The following DAB1 variants were observed in gnomAD, a reference collection of about 807,000 sequenced individuals.
DAB1 encodes the protein DAB adaptor protein 1, also known as disabled homolog 1.
DAB1 carries 15 observed loss-of-function variants against 64.6 expected under a neutral mutation model. That is an observed-to-expected ratio of 0.23 (90% CI 0.16 to 0.36). The LOEUF (loss-of-function observed/expected upper bound fraction) is 0.36, where lower values mean the gene tolerates loss of function less well. Ranked by LOEUF, DAB1 falls within the 10% of genes least tolerant of loss-of-function variation. The pLI, the probability that DAB1 is intolerant of heterozygous loss-of-function variation, is 1.00. For missense variants in DAB1, 596 were observed against 706.7 expected (o/e 0.84, Z 1.78); for synonymous variants, 235 against 251.9 (o/e 0.93, Z 0.64).
chr1:57,936,623 G>A (rs111271219), intron 5 of DAB1, among the ~76,000 whole-genome samples: 2,761 of 151,916 alleles, frequency 0.018, 88 homozygotes, highest in African/African-American at 0.063. Flanking sequence ...GGCTGGTCTC[G>A]AACTCTTGAT....
intron 4 of DAB1, among the ~76,000 whole-genome samples, chr1:58,273,885 A>T (rs1569590886): frequency 9.3e-6 from 1 of 107,410 alleles, no homozygotes; most frequent in East Asian, 3.7e-4. Context: ...ACTTCTCTGT[A>T]TTGGTTATTC....
chr1:57,738,294 T>C (rs572381853), intron 6 of DAB1, among the ~76,000 whole-genome samples: 1 of 152,328 alleles, frequency 6.6e-6, no homozygotes, highest in South Asian at 2.1e-4. Flanking sequence ...TGCAAACCTA[T>C]GCTATAGTTT....
At chr1:57,178,186 T>C (rs1219123201) in intron 2 of DAB1, among the ~76,000 whole-genome samples, 1 of 151,966 alleles carries the variant, frequency 6.6e-6, no homozygotes, top group Non-Finnish European at 1.5e-5. Flanking sequence ...ATATTGGTAA[T>C]ATATAATAAA....
intron 7 of DAB1, among the ~76,000 whole-genome samples, chr1:57,555,980 G>C (rs1489046194): frequency 2.9e-4 from 44 of 151,942 alleles, no homozygotes; most frequent in Non-Finnish European, 7.4e-5. Flanking sequence ...TATATTTTGT[G>C]TCACAATATC....
intron 4 of DAB1, among the ~76,000 whole-genome samples, chr1:57,075,651 T>G (rs1054093494): frequency 6.6e-6 from 1 of 152,230 alleles, no homozygotes; most frequent in East Asian, 1.9e-4. Flanking sequence ...GATTGCCCCA[T>G]GTCTTCAAGT....
intron 1 of DAB1, among the ~76,000 whole-genome samples, chr1:57,870,909 T>C (rs988126103): frequency 7.2e-5 from 11 of 152,156 alleles, no homozygotes; most frequent in Admixed American, 2.0e-4. Flanking sequence ...AGAGTTGACA[T>C]TGGCAAGGAG....
intron 7 of DAB1, among the ~76,000 whole-genome samples, chr1:57,619,333 C>T (rs570678008): frequency 5.1e-4 from 78 of 152,292 alleles, no homozygotes; most frequent in Non-Finnish European, 8.5e-4. Context: ...TACATGACAA[C>T]GCTGTGCTAG....
chr1:57,115,035 C>A (rs1481840573), intron 4 of DAB1, among the ~76,000 whole-genome samples: 1 of 152,136 alleles, frequency 6.6e-6, no homozygotes. Context: ...CCAACACCAT[C>A]CTCAACACAC....
chr1:57,009,601 TTACCATTTTAA>T (rs1205010867), intron 14 of DAB1, among the ~76,000 whole-genome samples: 7 of 152,168 alleles, frequency 4.6e-5, no homozygotes, highest in Non-Finnish European at 7.4e-5. Flanking sequence ...AGAAAACTGT[TTACCATTTTAA>T]TGGTTTTGAC....
At chr1:57,910,126 G>A (rs1438345242) in intron 5 of DAB1, among the ~76,000 whole-genome samples, 1 of 152,174 alleles carries the variant, frequency 6.6e-6, no homozygotes, top group East Asian at 1.9e-4. Flanking sequence ...GCAAGGAAAT[G>A]AAATTGGGGT....
intron 5 of DAB1, among the ~76,000 whole-genome samples, chr1:57,930,376 C>T (rs1368432197): frequency 1.3e-5 from 2 of 152,130 alleles, no homozygotes; most frequent in Non-Finnish European, 2.9e-5. Context: ...TTTTGCCTCA[C>T]CATATAAATG....
At chr1:58,207,828 A>C (rs1296114943) in intron 4 of DAB1, among the ~76,000 whole-genome samples, 1 of 152,208 alleles carries the variant, frequency 6.6e-6, no homozygotes, top group Non-Finnish European at 1.5e-5. Flanking sequence ...TAACTTTCCC[A>C]AGATCACAAA....
intron 5 of DAB1, among the ~76,000 whole-genome samples, chr1:57,892,016 A>G (rs1001474950): frequency 9.9e-5 from 15 of 152,168 alleles, no homozygotes; most frequent in Admixed American, 6.5e-5. Context: ...AACAAAATAC[A>G]TATGCCCTTG....
chr1:57,122,722 C>A (rs1656771459), intron 4 of DAB1, among the ~76,000 whole-genome samples: 1 of 152,116 alleles, frequency 6.6e-6, no homozygotes, highest in South Asian at 2.1e-4. Flanking sequence ...CATTCCCTTT[C>A]TTCAATAAAC....
intron 4 of DAB1, among the ~76,000 whole-genome samples, chr1:58,178,795 T>C (rs1656626272): frequency 6.6e-6 from 1 of 152,228 alleles, no homozygotes; most frequent in Admixed American, 6.5e-5. Flanking sequence ...GTACACAAAC[T>C]GAATGCAGGC....
intron 1 of DAB1, among the ~76,000 whole-genome samples, chr1:57,298,802 T>C (rs1030777355): frequency 2.0e-5 from 3 of 152,208 alleles, no homozygotes; most frequent in African/African-American, 4.8e-5. Flanking sequence ...AACATTGATA[T>C]GGCTGTAGAA....
At chr1:58,435,461 G>T (rs61780378) in intron 3 of DAB1, among the ~76,000 whole-genome samples, 1 of 152,046 alleles carries the variant, frequency 6.6e-6, no homozygotes, top group African/African-American at 2.4e-5. Context: ...ACAGAGAAGC[G>T]GTAACCCATG....
At chr1:57,594,248 G>T (rs1449670364) in intron 7 of DAB1, among the ~76,000 whole-genome samples, 1 of 152,218 alleles carries the variant, frequency 6.6e-6, no homozygotes, top group African/African-American at 2.4e-5. Flanking sequence ...GGAACATCTG[G>T]AAATGGAAAA....
At chr1:58,374,686 C>A (rs1024589092) in intron 3 of DAB1, among the ~76,000 whole-genome samples, 1 of 138,158 alleles carries the variant, frequency 7.2e-6, no homozygotes, top group Non-Finnish European at 1.6e-5. Flanking sequence ...TCCATATGAA[C>A]TTTAAAGTAG....
Sources: allele counts gnomAD v4.1 joint callset (sites outside exome capture counted in the v4.1 genomes callset), GRCh38; gene constraint gnomAD v4.1.1; transcripts MANE v1.5; gene names NCBI Gene and HGNC (gene_info 2026-07-23, HGNC 2026-07-21).